The following ZNF83 variants were observed in gnomAD, a reference collection of about 807,000 sequenced individuals.
ZNF83 encodes the protein zinc finger protein 816B.
For synonymous variants in ZNF83, 209 were observed against 213.0 expected (o/e 0.98, Z 0.17); for missense variants, 552 against 629.9 (o/e 0.88, Z 1.32).
upstream of ZNF83, among the ~76,000 whole-genome samples, chr19:52,643,071 T>A (rs1170251068): frequency 6.6e-6 from 1 of 152,164 alleles, no homozygotes; most frequent in East Asian, 1.9e-4. Context: ...GGAGAATCGC[T>A]TTAACCTAGG....
chr19:52,643,166 G>A (rs989128351), upstream of ZNF83, among the ~76,000 whole-genome samples: 7 of 105,844 alleles, frequency 6.6e-5, no homozygotes, highest in African/African-American at 3.1e-4. Flanking sequence ...GACAGAGTGA[G>A]ACTCAAAAAT....
At chr19:52,613,035 C>A in exon 3 of ZNF83, 2 of 1,600,908 alleles carry the variant, frequency 1.2e-6, no homozygotes, top group Non-Finnish European at 8.5e-7. Flanking sequence ...TGTTAGATTT[C>A]TTTCCGGCAT....
At chr19:52,614,473 A>G (rs766079708) in exon 3 of ZNF83, 1 of 1,612,670 alleles carries the variant, frequency 6.2e-7, no homozygotes, top group Non-Finnish European at 8.5e-7. Context: ...TTCAGCTTGA[A>G]ATAGCTGCAG....
upstream of ZNF83, among the ~76,000 whole-genome samples, chr19:52,641,497 G>A (rs1018334593): frequency 6.6e-6 from 1 of 152,152 alleles, no homozygotes; most frequent in Admixed American, 6.5e-5. Flanking sequence ...AAGTTGAAGA[G>A]CATTTCCCTA....
chr19:52,635,327 C>T, intron 1 of ZNF83, 174 bp from the exon 2 acceptor site: 1 of 379,536 alleles, frequency 2.6e-6, no homozygotes, highest in East Asian at 4.1e-5. Flanking sequence ...CTGGAGAAGC[C>T]CACACCACAC....
chr19:52,630,279 A>G (rs534269194), intron 2 of ZNF83, among the ~76,000 whole-genome samples: 2 of 152,328 alleles, frequency 1.3e-5, no homozygotes, highest in Non-Finnish European at 2.9e-5. Flanking sequence ...GGAAGCCTAC[A>G]GGACCATCAC....
intron 3 of ZNF83, chr19:52,654,458 T>G (rs1299140503): frequency 1.4e-6 from 1 of 697,036 alleles, no homozygotes; most frequent in African/African-American, 1.8e-5. Context: ...GTAAATAATA[T>G]TTAATACTGA....
At chr19:52,644,786 A>T (rs1862347637) in intron 3 of ZNF83, among the ~76,000 whole-genome samples, 1 of 152,098 alleles carries the variant, frequency 6.6e-6, no homozygotes, top group Non-Finnish European at 1.5e-5. Context: ...AGGTCGAGGC[A>T]GGTGGAGGTC....
chr19:52,678,565 A>T (rs980746993), intron 1 of ZNF83, among the ~76,000 whole-genome samples: 4 of 152,054 alleles, frequency 2.6e-5, no homozygotes, highest in African/African-American at 9.7e-5. Flanking sequence ...ATATCCCTGG[A>T]CTTTTAAACA....
At chr19:52,620,070 A>G (rs1202358450) in intron 2 of ZNF83, among the ~76,000 whole-genome samples, 1 of 152,154 alleles carries the variant, frequency 6.6e-6, no homozygotes. Context: ...AAACAAAATT[A>G]CTCAAAGTAC....
intron 1 of ZNF83, among the ~76,000 whole-genome samples, chr19:52,676,727 C>G (rs367916808): frequency 0.021 from 2,890 of 138,488 alleles, 218 homozygotes; most frequent in Admixed American, 0.13. Flanking sequence ...GGATGGTTGC[C>G]GTGTCTGTGT....
At chr19:52,690,056 G>A (rs1040128599) in intron 1 of ZNF83, among the ~76,000 whole-genome samples, 6 of 152,320 alleles carry the variant, frequency 3.9e-5, no homozygotes, top group Admixed American at 1.3e-4. Flanking sequence ...CCCCGGGACA[G>A]GGGCCGCGGC....
chr19:52,682,361 G>T (rs62120860), intron 1 of ZNF83, among the ~76,000 whole-genome samples: 19,017 of 151,970 alleles, frequency 0.13, 1,250 homozygotes, highest in Middle Eastern at 0.16. Context: ...CTTCACCCTG[G>T]ACAGAATAAA....
intron 3 of ZNF83, among the ~76,000 whole-genome samples, chr19:52,649,288 A>G (rs1215314156): frequency 6.6e-6 from 1 of 152,204 alleles, no homozygotes; most frequent in Non-Finnish European, 1.5e-5. Flanking sequence ...CAAGGGAAGC[A>G]GGCAGGCTGG....
At chr19:52,624,928 A>G (rs527645512) in intron 2 of ZNF83, among the ~76,000 whole-genome samples, 4 of 151,972 alleles carry the variant, frequency 2.6e-5, no homozygotes, top group East Asian at 1.9e-4. Flanking sequence ...GTCTCCCACA[A>G]TTACCATTGT....
chr19:52,653,357 A>G (rs1225725149), intron 3 of ZNF83: 1 of 1,178,400 alleles, frequency 8.5e-7, no homozygotes, highest in African/African-American at 1.5e-5. Context: ...TGTGCAAGGT[A>G]TGAATCACGC....
chr19:52,642,995 A>G (rs1358166877), upstream of ZNF83, among the ~76,000 whole-genome samples: 2 of 152,088 alleles, frequency 1.3e-5, no homozygotes, highest in East Asian at 3.9e-4. Context: ...TGTCTCTACT[A>G]AAAATACAAA....
intron 1 of ZNF83, among the ~76,000 whole-genome samples, chr19:52,669,618 C>T (rs2061696649): frequency 6.6e-6 from 1 of 152,186 alleles, no homozygotes; most frequent in Non-Finnish European, 1.5e-5. Context: ...AAAGACATTG[C>T]AAGGTCTGAC....
chr19:52,679,702 A>C (rs2061876177), intron 1 of ZNF83, among the ~76,000 whole-genome samples: 1 of 152,168 alleles, frequency 6.6e-6, no homozygotes, highest in South Asian at 2.1e-4. Flanking sequence ...CCACGCTGAC[A>C]ATTCTGCTCA....
Sources: gnomAD v4.1 joint callset for allele counts (sites outside exome capture counted in the v4.1 genomes callset) on GRCh38, gnomAD v4.1.1 for gene constraint, MANE v1.5 for transcripts, NCBI Gene and HGNC (gene_info 2026-07-23, HGNC 2026-07-21) for gene names.